The following ALDH4A1 variants were observed in gnomAD, a reference collection of about 807,000 sequenced individuals.
ALDH4A1 encodes aldehyde dehydrogenase 4 family member A1, also known as delta-1-pyrroline-5-carboxylate dehydrogenase, mitochondrial.
A neutral mutation model predicts 70.5 loss-of-function variants in ALDH4A1; 46 were observed. The observed-to-expected ratio is 0.65, with a 90% confidence interval of 0.51 to 0.83. The LOEUF (loss-of-function observed/expected upper bound fraction) is 0.83, where lower values mean the gene tolerates loss of function less well. Ranked by LOEUF, ALDH4A1 falls within the 40% of genes least tolerant of loss-of-function variation. The pLI, the probability that ALDH4A1 is intolerant of heterozygous loss-of-function variation, is 0.00. For synonymous variants in ALDH4A1, 323 were observed against 324.3 expected (o/e 1.00, Z 0.04); for missense variants, 749 against 766.5 (o/e 0.98, Z 0.27).
Position 18,885,431 on chromosome 1 carries a change from A to ACCCCCCCCCCCCCCCCCCCCC in ALDH4A1, c.453+41_453+42insGGGGGGGGGGGGGGGGGGGGG. On this transcript the variant is annotated intron_variant, in intron 5 of 14. Coordinates refer to ENST00000375341, the MANE Select transcript of ALDH4A1 (RefSeq NM_003748.4). ...CATGGGTAGGGCACACCTGACTCCC[A>ACCCCCCCCCCCCCCCCCCCCC]CCCCACCCCGCCCCACCCACCCGGG... 6.5e-5 allele frequency: 31 copies of ACCCCCCCCCCCCCCCCCCCCC among 478,972 alleles called. 1 individual carries two copies. The highest frequency in any genetic ancestry group is 1.3e-4 in the East Asian group (3 of 23,258). 29.7% of individuals were successfully genotyped at this position (478,972 alleles called of 1,614,324 possible). A position where few individuals can be genotyped will look rare whatever the true frequency, so the allele number is the denominator to read the frequency against.
rs779027223 is a variant in ALDH4A1, at chr1:18,882,537, C to T, written c.678+587G>A. ...GGAGTGACTTGAATACCATCAACCCCGAGAGAGACTACATCCAAATCTTTC... is the reference window on the plus strand; with the variant it reads ...GGAGTGACTTGAATACCATCAACCCTGAGAGAGACTACATCCAAATCTTTC... On this transcript the variant is annotated intron_variant, in intron 7 of 14. Transcript: ENST00000375341. 3.4e-5 allele frequency: 18 copies of T among 528,034 alleles called. 1 individual carries two copies. The highest frequency in any genetic ancestry group is 1.5e-4 in the South Asian group (11 of 71,508). 32.7% of individuals were successfully genotyped at this position (528,034 alleles called of 1,614,324 possible).
intron 3 of ALDH4A1, 113 bp from the exon 4 acceptor site, chr1:18,886,624 C>T: frequency 2.7e-6 from 3 of 1,129,894 alleles, no homozygotes; most frequent in African/African-American, 1.5e-5. Context: ...CGCCTGCTGT[C>T]CCCCCTCCCC....
At chr1:18,877,788 G>C (rs1002635871) in intron 9 of ALDH4A1, among the ~76,000 whole-genome samples, 176 bp from the exon 10 acceptor site, 1 of 152,234 alleles carries the variant, frequency 6.6e-6, no homozygotes, top group South Asian at 2.1e-4. Flanking sequence ...CCACGGGCCA[G>C]GCCCATTCTC....
rs935173881 is a variant in ALDH4A1 at position 18,871,649 on chromosome 1, G to A, written c.*1196C>T. ...CCCATCCATGGGCCAGTGGCACTTGGGGAATGGCCACACCAGCTCCGGGTG... is the reference window on the plus strand; with the variant it reads ...CCCATCCATGGGCCAGTGGCACTTGAGGAATGGCCACACCAGCTCCGGGTG... On this transcript the variant is annotated 3_prime_UTR_variant, in exon 15 of 15. Transcript: ENST00000375341. 3 of 152,406 alleles carry A rather than the reference G, an allele frequency of 2.0e-5. No individual in the cohort carries two copies. The highest frequency in any genetic ancestry group is 2.9e-5 in the Non-Finnish European group (2 of 68,186). The allele number at this position is 152,406 out of a possible 1,614,324, so 9.4% of individuals were successfully genotyped here. A position where few individuals can be genotyped will look rare whatever the true frequency, so the allele number is the denominator to read the frequency against.
intron 1 of ALDH4A1, among the ~76,000 whole-genome samples, chr1:18,892,152 C>T (rs1258921387): frequency 2.6e-5 from 4 of 152,108 alleles, no homozygotes; most frequent in Admixed American, 1.3e-4. Context: ...CAGACTGGCC[C>T]GGCTATGAGT....
intron 1 of ALDH4A1, among the ~76,000 whole-genome samples, chr1:18,896,817 C>T (rs1046455821): frequency 5.9e-5 from 9 of 151,850 alleles, no homozygotes; most frequent in Admixed American, 1.3e-4. Flanking sequence ...TGCTTGTACC[C>T]GGGAAGAAGA....
chr1:18,877,687 T>G, intron 9 of ALDH4A1, 75 bp from the exon 10 acceptor site: 3 of 1,525,108 alleles, frequency 2.0e-6, no homozygotes, highest in Non-Finnish European at 2.7e-6. Flanking sequence ...AAACACCACC[T>G]ACGCCATCCA....
rs951521710 is a variant in ALDH4A1 at position 18,872,825 on chromosome 1, C to T, written c.*20G>A. Reference sequence around the variant, plus strand: ...CCACCTGGACGGACAGACAGCTGGACGGTGGAGCCCGAGAGGGGCTCACTG... The same window carrying T: ...CCACCTGGACGGACAGACAGCTGGATGGTGGAGCCCGAGAGGGGCTCACTG... On this transcript the variant is annotated 3_prime_UTR_variant, in exon 15 of 15. Transcript: ENST00000375341. 23 of 1,599,496 alleles carry T rather than the reference C, an allele frequency of 1.4e-5. No individual in the cohort carries two copies. Among genetic ancestry groups the T allele is most frequent in the Middle Eastern group, 3.6e-4 (2 of 5,610 alleles).
chr1:18,888,549 T>C (rs997394756), intron 3 of ALDH4A1, among the ~76,000 whole-genome samples: 7 of 152,200 alleles, frequency 4.6e-5, no homozygotes, highest in African/African-American at 1.7e-4. Context: ...CCAGCTGCCA[T>C]GCAGCCTCAG....
At position 18,898,147 on chromosome 1, in the gene ALDH4A1, C is replaced by T. The variant is rs148165732; in HGVS notation, c.62+4315G>A. The stretch of plus-strand genomic sequence containing the variant: ...CCTGGCCAACATGGTGAAACCCCGT[C>T]TCTACGAAAAAAAAAAAATACAAAA... On this transcript the variant is annotated intron_variant, in intron 1 of 14. Transcript: ENST00000375341. The surrounding 1 kb of genome is among the most constrained non-coding windows in gnomAD (Gnocchi z 4.3). 0.012 allele frequency among the ~76,000 whole-genome samples: 1,789 copies of T among 151,350 alleles called. 38 individuals are homozygous for T. The highest frequency in any genetic ancestry group is 0.04 in the African/African-American group (1,642 of 41,192).
intron 8 of ALDH4A1, 68 bp downstream of exon 8, chr1:18,881,632 G>C (rs1934969246): frequency 6.8e-7 from 1 of 1,481,326 alleles, no homozygotes; most frequent in Non-Finnish European, 9.0e-7. Flanking sequence ...CCCATCCCCA[G>C]GCAGACAGCA....
chr1:18,897,236 C>A (rs926722247), intron 1 of ALDH4A1: 11 of 414,332 alleles, frequency 2.7e-5, no homozygotes, highest in Middle Eastern at 7.8e-4. Flanking sequence ...AAAATCCAAG[C>A]AAGTCCAATA....
At chr1:18,883,558 C>A in intron 5 of ALDH4A1, 130 bp from the exon 6 acceptor site, 1 of 1,300,600 alleles carries the variant, frequency 7.7e-7, no homozygotes, top group South Asian at 1.3e-5. Context: ...ATTTGGAGGG[C>A]TCACCAGGTC....
chr1:18,884,203 C>T lies in ALDH4A1; in HGVS notation c.454-775G>A, dbSNP rs567382095. 1.2e-4 allele frequency among the ~76,000 whole-genome samples: 19 copies of T among 152,322 alleles called. 1 individual carries two copies. The South Asian group carries it at 1.9e-3, about 15-fold the overall frequency. ...TGATCCTAGACTGTCTTCCCAGCAA[C>T]GTGCGGCTCACCAGGAACACGCAGA... On this transcript the variant is annotated intron_variant, in intron 5 of 14. Transcript: ENST00000375341.
Position 18,880,063 on chromosome 1 carries a change from T to TCCGC in ALDH4A1, c.867-694_867-691dup, listed in dbSNP as rs1934906043. On this transcript the variant is annotated intron_variant, in intron 8 of 14. Coordinates refer to ENST00000375341, the MANE Select transcript of ALDH4A1 (RefSeq NM_003748.4). The surrounding 1 kb of genome is among the most constrained non-coding windows in gnomAD (Gnocchi z 5.1). ...CGTGGAGAATGGGGTCCAGGCCCGC[T>TCCGC]CCGCCCGCTGATAGGCGGGGAGCCC... is the stretch of plus-strand genomic sequence containing the variant. Among the ~76,000 whole-genome samples the TCCGC allele has an allele frequency of 6.6e-6, 1 of 152,138 alleles. No homozygotes were observed. The highest frequency in any genetic ancestry group is 6.5e-5 in the Admixed American group (1 of 15,288).
rs1348194859 is a variant in ALDH4A1 at position 18,898,803 on chromosome 1, A to C, written c.62+3659T>G. Among the ~76,000 whole-genome samples, 1 of 152,250 alleles carries C rather than the reference A, an allele frequency of 6.6e-6. No homozygotes were observed. The highest frequency in any genetic ancestry group is 1.5e-5 in the Non-Finnish European group (1 of 68,042). ...CAACGCCTACTGTGTGCCGGGCCAGATGCAGGGCACAGGAGGCAGGCTGCT... is the reference window on the plus strand; with the variant it reads ...CAACGCCTACTGTGTGCCGGGCCAGCTGCAGGGCACAGGAGGCAGGCTGCT... On this transcript the variant is annotated intron_variant, in intron 1 of 14. Transcript: ENST00000375341. The surrounding 1 kb of genome is among the most constrained non-coding windows in gnomAD (Gnocchi z 4.3).
At chr1:18,897,819 C>T (rs995312197) in intron 1 of ALDH4A1, among the ~76,000 whole-genome samples, 21 of 152,174 alleles carry the variant, frequency 1.4e-4, no homozygotes, top group African/African-American at 4.8e-4. Context: ...GCTAGAACCT[C>T]ATTTCCACCT....
intron 14 of ALDH4A1, among the ~76,000 whole-genome samples, chr1:18,873,679 G>A (rs546159584): frequency 2.0e-5 from 3 of 152,314 alleles, no homozygotes; most frequent in African/African-American, 7.2e-5. Context: ...GGGGGACGGC[G>A]GTGCCCCTGC....
intron 3 of ALDH4A1, among the ~76,000 whole-genome samples, chr1:18,889,001 A>G (rs999624606): frequency 1.3e-5 from 2 of 152,246 alleles, no homozygotes; most frequent in African/African-American, 2.4e-5. Context: ...ATAAACTCCA[A>G]GCATGGGGGC....
Sources: gnomAD v4.1 joint callset for allele counts (sites outside exome capture counted in the v4.1 genomes callset) on GRCh38, gnomAD v4.1.1 for gene constraint, Gnocchi (gnomAD v3.1) non-coding constraint, MANE v1.5 for transcripts, NCBI Gene and HGNC (gene_info 2026-07-23, HGNC 2026-07-21) for gene names.